The following NRN1 variants were observed in gnomAD, a reference collection of about 807,000 sequenced individuals.
NRN1 encodes the protein neuritin 1.
NRN1 carries 4 observed loss-of-function variants against 15.0 expected under a neutral mutation model. That is an observed-to-expected ratio of 0.27 (90% CI 0.13 to 0.61). The LOEUF is 0.61. Ranked by LOEUF, NRN1 falls within the 20% of genes least tolerant of loss-of-function variation. The pLI, the probability that NRN1 is intolerant of heterozygous loss-of-function variation, is 0.87. For synonymous variants in NRN1, 85 were observed against 79.8 expected, an observed-to-expected ratio of 1.07 and a Z score of -0.35; for missense variants, 134 against 181.9, an observed-to-expected ratio of 0.74 and a Z score of 1.51.
chr6:6,000,649 G>A (rs529175864), intron 2 of NRN1, among the ~76,000 whole-genome samples: 58 of 151,696 alleles, frequency 3.8e-4, no homozygotes, highest in African/African-American at 1.3e-3. Context: ...TTGGACATTA[G>A]GAGGCCCAGG....
rs1201671891 is a variant in NRN1, at chr6:5,999,079, T to G, written c.326A>C (p.Glu109Ala). The part of the protein sequence containing the change: ...KNLNIQGSLF[E>A]LCGSGNGAAG... ...CGCCCCGTTGCCGCTGCCGCAGAGT[T>G]CGAATAAGCTGCCTTGGATGTTGAG... Residue 109 changes from glutamate to alanine, a missense_variant, in exon 3 of 3, where the codon GAA (glutamate) becomes GCA (alanine). Coordinates refer to ENST00000244766, the MANE Select transcript of NRN1 (RefSeq NM_016588.3). 3 of 1,614,136 alleles carry G rather than the reference T, an allele frequency of 1.9e-6. No individual in the cohort carries two copies. In the East Asian group the frequency reaches 6.7e-5, roughly 36 times the overall value.
chr6:5,998,761 T>G lies in NRN1; in HGVS notation c.*215A>C, dbSNP rs977068690. 2.1e-5 allele frequency: 12 copies of G among 565,970 alleles called. No individual in the cohort carries two copies. The highest frequency in any genetic ancestry group is 2.1e-4 in the African/African-American group (11 of 53,392). The allele number at this position is 565,970 out of a possible 1,614,324, so 35.1% of individuals were successfully genotyped here. On this transcript the variant is annotated 3_prime_UTR_variant, in exon 3 of 3. Transcript: ENST00000244766. Reference sequence around the variant, plus strand: ...TAAAGCTGAGGTCCGATTTTGGCTGTGCTTGCTTGCTCACTGATTGGTAAC... The same window carrying G: ...TAAAGCTGAGGTCCGATTTTGGCTGGGCTTGCTTGCTCACTGATTGGTAAC...
rs1757822073 is a variant in NRN1, at chr6:5,998,296, T to C, written c.*680A>G. 6.6e-6 allele frequency: 1 copy of C among 152,284 alleles called. No individual in the cohort carries two copies. Among genetic ancestry groups the C allele is most frequent in the Non-Finnish European group, 1.5e-5 (1 of 68,110 alleles). 9.4% of individuals were successfully genotyped at this position (152,284 alleles called of 1,614,324 possible). A position where few individuals can be genotyped will look rare whatever the true frequency, so the allele number is the denominator to read the frequency against. On this transcript the variant is annotated 3_prime_UTR_variant, in exon 3 of 3. Transcript: ENST00000244766. ...GGACGGATGCATCAACAACAGCAGA[T>C]AAAGCTAACCCCTCAGTGACCATAG...
chr6:6,001,775 A>G (rs923944733), intron 2 of NRN1, among the ~76,000 whole-genome samples: 1 of 152,196 alleles, frequency 6.6e-6, no homozygotes, highest in Admixed American at 6.5e-5. Flanking sequence ...ACAGGAAGGG[A>G]GACCTGTATC....
chr6:6,003,694 G>C, intron 1 of NRN1: 1 of 1,234,220 alleles, frequency 8.1e-7, no homozygotes, highest in Non-Finnish European at 1.0e-6. Flanking sequence ...GGACTGGAAG[G>C]ACAGGTACCA....
intron 1 of NRN1, chr6:6,002,734 G>T (rs1049085997): frequency 6.9e-6 from 4 of 581,140 alleles, no homozygotes; most frequent in Non-Finnish European, 1.2e-5. Flanking sequence ...GGTGTGGGTG[G>T]GTGGGAGGTA....
chr6:6,003,385 T>C (rs1582993365), intron 1 of NRN1: 1 of 564,210 alleles, frequency 1.8e-6, no homozygotes, highest in Non-Finnish European at 2.6e-6. Context: ...TCCTCCCCTG[T>C]CCGCCACTCG....
intron 1 of NRN1, chr6:6,004,076 T>C: frequency 9.1e-7 from 1 of 1,098,512 alleles, no homozygotes; most frequent in African/African-American, 1.6e-5. Flanking sequence ...GTTTGCAAAT[T>C]GCTGCAGGAA....
intron 1 of NRN1, among the ~76,000 whole-genome samples, chr6:6,003,481 C>G (rs2151033570): frequency 6.6e-6 from 1 of 152,250 alleles, no homozygotes; most frequent in South Asian, 2.1e-4. Context: ...CTGTTCTTCT[C>G]CAGGTGCCAG....
chr6:6,006,162 C>A (rs1051607555), intron 1 of NRN1, among the ~76,000 whole-genome samples: 1 of 152,066 alleles, frequency 6.6e-6, no homozygotes. Context: ...CCAGCCGGGT[C>A]TGCGGTGCCC....
Position 5,998,946 on chromosome 6 carries a change from G to T in NRN1, c.*30C>A. The T allele has an allele frequency of 6.5e-7, 1 of 1,542,344 alleles. No homozygotes were observed. The highest frequency in any genetic ancestry group is 8.9e-7 in the Non-Finnish European group (1 of 1,124,924). On this transcript the variant is annotated 3_prime_UTR_variant, in exon 3 of 3. Coordinates refer to ENST00000244766, the MANE Select transcript of NRN1 (RefSeq NM_016588.3). ...TTCCGGGAGCATGGAGTGAGTGTGG[G>T]TGGGCGCGCGGGGGGAGCTGGCCCC...
intron 2 of NRN1, 147 bp from the exon 3 acceptor site, chr6:5,999,351 C>T (rs1757867627): frequency 6.0e-6 from 4 of 670,356 alleles, no homozygotes; most frequent in Non-Finnish European, 1.0e-5. Flanking sequence ...CGCCCTGGCG[C>T]CTGGCCTGCG....
At chr6:6,004,162 C>A (rs1582994117) in intron 1 of NRN1, 1 of 385,184 alleles carries the variant, frequency 2.6e-6, no homozygotes, top group Non-Finnish European at 3.6e-6. Context: ...CTTCGACCTC[C>A]GCTGGGGCAG....
At chr6:6,001,696 T>C (rs1757950606) in intron 2 of NRN1, among the ~76,000 whole-genome samples, 1 of 152,220 alleles carries the variant, frequency 6.6e-6, no homozygotes, top group Admixed American at 6.5e-5. Flanking sequence ...GACCACCACC[T>C]GGACTCACTC....
intron 1 of NRN1, chr6:6,003,738 C>T (rs979140965): frequency 5.7e-6 from 7 of 1,234,200 alleles, no homozygotes; most frequent in African/African-American, 1.6e-5. Context: ...CATCTCTTTC[C>T]GCCCTGAGGC....
intron 1 of NRN1, among the ~76,000 whole-genome samples, chr6:6,004,467 A>T (rs953705394): frequency 2.0e-5 from 3 of 152,214 alleles, no homozygotes; most frequent in African/African-American, 7.2e-5. Flanking sequence ...AGAAGCCCCT[A>T]AAATGCATTG....
At chr6:6,006,586 T>G in intron 1 of NRN1, 109 bp downstream of exon 1, 1 of 1,003,492 alleles carries the variant, frequency 1.0e-6, no homozygotes, top group East Asian at 2.4e-5. Context: ...GATTGCCGGC[T>G]TCTCCGCACC....
In NRN1 at chr6:5,998,966, G is replaced by T; in HGVS notation, c.*10C>A. On this transcript the variant is annotated 3_prime_UTR_variant, in exon 3 of 3. Coordinates refer to ENST00000244766, the MANE Select transcript of NRN1 (RefSeq NM_016588.3). The stretch of plus-strand genomic sequence containing the variant: ...TGTGGGTGGGCGCGCGGGGGGAGCT[G>T]GCCCCACGCTCAGAAGGAAAGCCAG... 6.3e-7 allele frequency: 1 copy of T among 1,594,678 alleles called. No homozygotes were observed. Among genetic ancestry groups the T allele is most frequent in the Non-Finnish European group, 8.6e-7 (1 of 1,167,028 alleles).
At chr6:6,002,329 C>T (rs1023385007) in intron 2 of NRN1, 24 bp downstream of exon 2, 10 of 1,611,036 alleles carry the variant, frequency 6.2e-6, no homozygotes, top group Non-Finnish European at 7.6e-6. Flanking sequence ...AACCGAAGTC[C>T]AGCCGGCCAG....
Sources: gnomAD v4.1 joint callset for allele counts (sites outside exome capture counted in the v4.1 genomes callset) on GRCh38, gnomAD v4.1.1 for gene constraint, MANE v1.5 for transcripts, NCBI Gene and HGNC (gene_info 2026-07-23, HGNC 2026-07-21) for gene names.